Variants in SUGCT observed in about 807,000 individuals in gnomAD.
SUGCT encodes succinyl-CoA:glutarate CoA-transferase.
SUGCT carries 41 observed loss-of-function variants against 55.0 expected under a neutral mutation model. The ratio of observed to expected loss-of-function variants is 0.74; its 90% confidence interval spans 0.58 to 0.97. The LOEUF is 0.97. Ranked by LOEUF, SUGCT falls within the 50% of genes least tolerant of loss-of-function variation. The pLI is 0.00. For synonymous variants in SUGCT, 187 were observed against 200.4 expected (o/e 0.93, Z 0.56); for missense variants, 568 against 547.8 (o/e 1.04, Z -0.37).
At chr7:40,973,352 C>G in the SUGCT span, among the ~76,000 whole-genome samples, 52,758 of 152,130 alleles carry the variant, frequency 0.35, 10,359 homozygotes, top group Admixed American at 0.51. Context: ...TGACATAAGT[C>G]TCATTGAAAA....
chr7:41,030,934 T>A, the SUGCT span, among the ~76,000 whole-genome samples: 1 of 152,228 alleles, frequency 6.6e-6, no homozygotes, highest in Non-Finnish European at 1.5e-5. Context: ...TCGTAGATAA[T>A]GTAGTAGGAA....
intron 12 of SUGCT, among the ~76,000 whole-genome samples, chr7:40,732,982 G>A (rs1485080207): frequency 6.6e-6 from 1 of 152,174 alleles, no homozygotes; most frequent in African/African-American, 2.4e-5. Flanking sequence ...GGCTGAGGCA[G>A]GAGAATCACT....
chr7:40,423,156 T>A (rs1787403397), intron 9 of SUGCT, among the ~76,000 whole-genome samples: 2 of 152,170 alleles, frequency 1.3e-5, no homozygotes, highest in Admixed American at 6.6e-5. Flanking sequence ...TTCTGGCCTA[T>A]ATTCCCATCT....
At position 40,726,313 on chromosome 7, in the gene SUGCT, GA is replaced by G. The variant is rs201569813; in HGVS notation, c.1090-23114del. Among the ~76,000 whole-genome samples, 1,361 of 151,774 alleles carry G rather than the reference GA, an allele frequency of 9.0e-3. 16 individuals are homozygous for G. Among genetic ancestry groups the G allele is most frequent in the African/African-American group, 0.031 (1,278 of 41,392 alleles). ...ACTGTTAATATAAAGTAAGCTAGAGGAAAAAAATGTTATTAAGAAAATCCTA... is the reference window on the plus strand; with the variant it reads ...ACTGTTAATATAAAGTAAGCTAGAGGAAAAAATGTTATTAAGAAAATCCTA... On this transcript the variant is annotated intron_variant, in intron 12 of 13. Transcript: ENST00000335693.
intron 13 of SUGCT, among the ~76,000 whole-genome samples, chr7:40,852,475 T>A (rs1793897880): frequency 6.6e-6 from 1 of 151,982 alleles, no homozygotes; most frequent in Non-Finnish European, 1.5e-5. Context: ...CTCCAGTAGC[T>A]TCCCACTGAA....
At chr7:40,953,210 A>G in the SUGCT span, among the ~76,000 whole-genome samples, 3 of 152,054 alleles carry the variant, frequency 2.0e-5, no homozygotes, top group Admixed American at 1.3e-4. Flanking sequence ...TTTGATCTTC[A>G]ATCACTGATA....
At chr7:40,776,019 G>A (rs1319496449) in intron 13 of SUGCT, among the ~76,000 whole-genome samples, 4 of 152,070 alleles carry the variant, frequency 2.6e-5, no homozygotes, top group African/African-American at 9.7e-5. Flanking sequence ...CTTCCCCATT[G>A]TGCCTGCCAC....
rs1047988704 is a variant in SUGCT at position 40,559,949 on chromosome 7, G to A, written c.1089+63563G>A. ...ATGTTAAACTAATGCAAAAGTTTTG[G>A]TATCTGGATAGGCAATGATATATTT... On this transcript the variant is annotated intron_variant, in intron 12 of 13. Transcript: ENST00000335693. Among the ~76,000 whole-genome samples, 9 of 152,298 alleles carry A rather than the reference G, an allele frequency of 5.9e-5. No homozygotes were observed. In the East Asian group the frequency reaches 1.7e-3, roughly 29 times the overall value.
intron 9 of SUGCT, among the ~76,000 whole-genome samples, chr7:40,410,434 A>G (rs952535960): frequency 2.0e-5 from 3 of 152,010 alleles, no homozygotes; most frequent in Admixed American, 2.0e-4. Context: ...TTTGTTGTAT[A>G]TTTGATGTTT....
intron 13 of SUGCT, among the ~76,000 whole-genome samples, chr7:40,795,114 G>T (rs988856303): frequency 1.3e-5 from 2 of 152,032 alleles, no homozygotes; most frequent in Admixed American, 1.3e-4. Flanking sequence ...TTTCCTTCTT[G>T]AATAAATTGC....
chr7:40,602,149 C>G (rs1798322861), intron 12 of SUGCT, among the ~76,000 whole-genome samples: 1 of 152,060 alleles, frequency 6.6e-6, no homozygotes, highest in Non-Finnish European at 1.5e-5. Context: ...AATGTAGGAT[C>G]AGATTATAGG....
chr7:40,586,690 C>T (rs1797399517), intron 12 of SUGCT, among the ~76,000 whole-genome samples: 2 of 152,150 alleles, frequency 1.3e-5, no homozygotes, highest in South Asian at 4.1e-4. Context: ...TTACAGGCCA[C>T]ATACTAGTTT....
intron 13 of SUGCT, among the ~76,000 whole-genome samples, chr7:40,773,712 A>G (rs1174490821): frequency 6.6e-6 from 1 of 152,176 alleles, no homozygotes; most frequent in Non-Finnish European, 1.5e-5. Flanking sequence ...TGACCTCTAG[A>G]TAAGTAAAGT....
the SUGCT span, among the ~76,000 whole-genome samples, chr7:40,929,285 G>A: frequency 6.6e-6 from 1 of 152,102 alleles, no homozygotes; most frequent in Admixed American, 6.5e-5. Flanking sequence ...AGTATTCCAT[G>A]GTGTATATGT....
intron 9 of SUGCT, among the ~76,000 whole-genome samples, chr7:40,383,777 C>T (rs1375674564): frequency 3.9e-5 from 6 of 152,120 alleles, no homozygotes; most frequent in East Asian, 1.9e-4. Context: ...GAATGGACTG[C>T]GTGATCAAAG....
chr7:40,594,213 A>G (rs759272787), intron 12 of SUGCT, among the ~76,000 whole-genome samples: 2 of 151,950 alleles, frequency 1.3e-5, no homozygotes, highest in Non-Finnish European at 2.9e-5. Flanking sequence ...ATTGGGAGAG[A>G]TCCCTAATGC....
intron 7 of SUGCT, among the ~76,000 whole-genome samples, chr7:40,268,042 T>C (rs1332130744): frequency 6.6e-6 from 1 of 152,218 alleles, no homozygotes; most frequent in African/African-American, 2.4e-5. Flanking sequence ...TTTTTAAACT[T>C]TATTTTTCCT....
chr7:40,492,426 C>T (rs1190174626), intron 11 of SUGCT, among the ~76,000 whole-genome samples: 3 of 152,146 alleles, frequency 2.0e-5, no homozygotes, highest in African/African-American at 7.2e-5. Flanking sequence ...CTAGTCTCAC[C>T]TACATCAGCC....
intron 9 of SUGCT, among the ~76,000 whole-genome samples, chr7:40,416,167 G>GT (rs967938635): frequency 1.9e-4 from 29 of 151,182 alleles, no homozygotes; most frequent in African/African-American, 3.9e-4. Flanking sequence ...AAAATAGAGG[G>GT]TTTTTTTTGT....
Sources: allele counts gnomAD v4.1 joint callset (sites outside exome capture counted in the v4.1 genomes callset), GRCh38; gene constraint gnomAD v4.1.1; transcripts MANE v1.5; gene names NCBI Gene and HGNC (gene_info 2026-07-23, HGNC 2026-07-21).